The following LRRC42 variants were observed in gnomAD, a reference collection of about 807,000 sequenced individuals.
LRRC42 encodes leucine rich repeat containing 42.
In LRRC42, 43 loss-of-function variants were observed where a neutral mutation model predicts 44.3. The observed-to-expected ratio is 0.97, with a 90% CI of 0.76 to 1.25. The LOEUF is 1.25. LRRC42 is among the 50% of genes most tolerant of loss of function. The probability of loss-of-function intolerance (pLI) is 0.00; values close to 1 mark genes in which losing one functional copy is unlikely to be tolerated. For synonymous variants in LRRC42, 207 were observed against 195.2 expected (o/e 1.06, Z -0.50); for missense variants, 540 against 509.1 (o/e 1.06, Z -0.58).
chr1:53,954,207 A>C (rs1654769130), intron 3 of LRRC42, among the ~76,000 whole-genome samples: 1 of 152,232 alleles, frequency 6.6e-6, no homozygotes, highest in Non-Finnish European at 1.5e-5. Context: ...CCACAGGCCA[A>C]ATACTGTATT....
chr1:53,958,100 C>CTT (rs767831450), intron 3 of LRRC42, 49 bp from the exon 4 acceptor site: 45 of 1,607,562 alleles, frequency 2.8e-5, no homozygotes, highest in Non-Finnish European at 3.7e-5. Context: ...AATGGTAATG[C>CTT]TTTAAGAGTA....
At position 53,946,492 on chromosome 1, in the gene LRRC42, C is replaced by T. The variant is rs1329540669; in HGVS notation, c.-106C>T. The stretch of plus-strand genomic sequence containing the variant: ...GAGCCCTTCCCCGTCAGCCGGGCCG[C>T]GGGAGGAGGGAGCCGTCACCGAGGA... On this transcript the variant is annotated 5_prime_UTR_variant, in exon 1 of 9. Coordinates refer to ENST00000371370, the MANE Select transcript of LRRC42 (RefSeq NM_001256409.2). 3 of 152,154 alleles carry T rather than the reference C, an allele frequency of 2.0e-5. No homozygotes were observed. Among genetic ancestry groups the T allele is most frequent in the Non-Finnish European group, 4.4e-5 (3 of 68,058 alleles). 9.4% of individuals were successfully genotyped at this position (152,154 alleles called of 1,614,324 possible).
intron 3 of LRRC42, among the ~76,000 whole-genome samples, chr1:53,953,413 C>A (rs950307506): frequency 1.3e-5 from 2 of 152,034 alleles, no homozygotes; most frequent in African/African-American, 2.4e-5. Context: ...GCTGGAGTGG[C>A]AGTGGCACGA....
At chr1:53,947,205 C>G (rs919764873) in intron 1 of LRRC42, among the ~76,000 whole-genome samples, 4 of 151,610 alleles carry the variant, frequency 2.6e-5, no homozygotes, top group Non-Finnish European at 5.9e-5. Context: ...CCACCTTTCA[C>G]CAGGGGCTCG....
In LRRC42 at chr1:53,962,331, C is replaced by T. The variant is rs202168460; in HGVS notation, c.849C>T (p.His283=). ...CCGTCAAGCACAAGCTCCAGACCCA[C>T]ATAGGCCTTGTTCACTCCAAAGTGC... ...IKTVKHKLQT[H]IGLVHSKVPL... The change falls in exon 7 of 9, where the codon CAC becomes CAT. Residue 283 remains histidine, a synonymous_variant. Coordinates refer to ENST00000371370, the MANE Select transcript of LRRC42 (RefSeq NM_001256409.2). The T allele has an allele frequency of 1.2e-6, 2 of 1,614,134 alleles. No individual in the cohort carries two copies. The highest frequency in any genetic ancestry group is 1.7e-6 in the Non-Finnish European group (2 of 1,179,948).
intron 3 of LRRC42, among the ~76,000 whole-genome samples, chr1:53,953,979 G>A (rs993997127): frequency 1.0e-4 from 15 of 149,358 alleles, no homozygotes; most frequent in African/African-American, 1.5e-4. Context: ...GTGATCCACC[G>A]GCCTCAGCCT....
chr1:53,962,217 A>C (rs1655015249), intron 6 of LRRC42, 79 bp from the exon 7 acceptor site: 4 of 1,432,574 alleles, frequency 2.8e-6, no homozygotes, highest in Non-Finnish European at 3.9e-6. Context: ...GGTATTTATG[A>C]TGGTCTTTAT....
rs1031041106 is a variant in LRRC42, at chr1:53,967,773, A to G, written c.1121A>G (p.His374Arg). The stretch of plus-strand genomic sequence containing the variant: ...TATAAAGAGAAAGCCCCAGATTGCC[A>G]TGGGCCAGTGTTGAAACACGAAGCT... ...QFYKEKAPDC[H>R]GPVLKHEAIS... Residue 374 changes from histidine to arginine, a missense_variant, in exon 9 of 9, where the codon CAT (histidine) becomes CGT (arginine). Transcript: ENST00000371370. 7.4e-6 allele frequency: 12 copies of G among 1,614,112 alleles called. No homozygotes were observed. The highest frequency in any genetic ancestry group is 2.2e-5 in the East Asian group (1 of 44,896).
At chr1:53,960,977 C>T (rs932088243) in intron 5 of LRRC42, among the ~76,000 whole-genome samples, 1 of 152,078 alleles carries the variant, frequency 6.6e-6, no homozygotes, top group Non-Finnish European at 1.5e-5. Context: ...CAGTATGATG[C>T]CAAAAGAATA....
Position 53,960,403 on chromosome 1 carries a change from T to A in LRRC42, c.653T>A (p.Val218Glu). The A allele has an allele frequency of 6.2e-6, 10 of 1,614,046 alleles. No homozygotes were observed. The highest frequency in any genetic ancestry group is 8.5e-6 in the Non-Finnish European group (10 of 1,179,966). The change falls in exon 5 of 9, where the codon GTG (valine) becomes GAG (glutamate). Residue 218 changes from valine (V) to glutamate (E), a missense_variant. Val to Glu is a moderately radical substitution (Grantham distance 121). Transcript: ENST00000371370. ...LKDNCLSDAG[V>E]RKMTAPVRVM... ...GATAATTGTTTATCTGATGCTGGGG[T>A]GCGGAAGATGACAGCACCAGTTCGA...
At chr1:53,955,740 T>G (rs1654819382) in intron 3 of LRRC42, among the ~76,000 whole-genome samples, 1 of 149,444 alleles carries the variant, frequency 6.7e-6, no homozygotes, top group Non-Finnish European at 1.5e-5. Context: ...GCAATTCTCC[T>G]GCCTCAGCCT....
intron 4 of LRRC42, among the ~76,000 whole-genome samples, chr1:53,960,021 A>G (rs1390712935): frequency 6.6e-6 from 1 of 151,748 alleles, no homozygotes; most frequent in African/African-American, 2.4e-5. Flanking sequence ...CCTTGGTTGA[A>G]GCCATCTTCC....
At chr1:53,955,462 A>C (rs6693123) in intron 3 of LRRC42, among the ~76,000 whole-genome samples, 4,936 of 144,326 alleles carry the variant, frequency 0.034, 173 homozygotes, top group African/African-American at 0.099. Context: ...GTGCCCAGCT[A>C]ATTTTTGTAT....
At chr1:53,960,244 A>G (rs996757746) in intron 4 of LRRC42, 112 bp from the exon 5 acceptor site, 2 of 739,802 alleles carry the variant, frequency 2.7e-6, no homozygotes, top group Non-Finnish European at 4.5e-6. Flanking sequence ...TGAAATAGCA[A>G]GAGGTAGAGG....
intron 3 of LRRC42, among the ~76,000 whole-genome samples, chr1:53,954,871 ATTTG>A (rs776953046): frequency 1.9e-4 from 29 of 152,192 alleles, no homozygotes; most frequent in Non-Finnish European, 2.8e-4. Context: ...CATCCATACT[ATTTG>A]TTTGACCCAT....
In LRRC42 at chr1:53,952,055, G is replaced by C. The variant is rs750069572; in HGVS notation, c.56G>C (p.Arg19Pro). The part of the protein sequence containing the change: ...NHLDPGPIYM[R>P]ENGQLHMVNL... The stretch of plus-strand genomic sequence containing the variant: ...CTGGACCCAGGGCCCATCTACATGC[G>C]AGAAAATGGGCAGCTGCACATGGTC... Residue 19 changes from arginine (R) to proline (P), a missense_variant, in exon 3 of 9, where the codon CGA becomes CCA. Transcript: ENST00000371370. 1 of 1,614,194 alleles carries C rather than the reference G, an allele frequency of 6.2e-7. No homozygotes were observed. The highest frequency in any genetic ancestry group is 2.2e-5 in the East Asian group (1 of 44,894).
At chr1:53,953,205 A>G (rs1654741806) in intron 3 of LRRC42, among the ~76,000 whole-genome samples, 1 of 152,212 alleles carries the variant, frequency 6.6e-6, no homozygotes, top group Non-Finnish European at 1.5e-5. Flanking sequence ...TGCTGTTACC[A>G]GTTTTTAAAA....
At chr1:53,966,209 G>T in intron 7 of LRRC42, 87 bp from the exon 8 acceptor site, 1 of 1,057,954 alleles carries the variant, frequency 9.5e-7, no homozygotes, top group Non-Finnish European at 1.5e-6. Flanking sequence ...TTGTGTTTAT[G>T]GAGAGGGAAA....
intron 8 of LRRC42, 145 bp from the exon 9 acceptor site, chr1:53,967,520 C>T: frequency 1.3e-6 from 1 of 749,564 alleles, no homozygotes; most frequent in South Asian, 1.7e-5. Flanking sequence ...CCACAGCGAC[C>T]TCACAGGGCA....
Sources: allele counts gnomAD v4.1 joint callset (sites outside exome capture counted in the v4.1 genomes callset), GRCh38; gene constraint gnomAD v4.1.1; transcripts MANE v1.5; gene names NCBI Gene and HGNC (gene_info 2026-07-23, HGNC 2026-07-21).